Variants in AUH observed in about 807,000 individuals in gnomAD.
The protein encoded by AUH is methylglutaconyl-CoA hydratase, mitochondrial.
A neutral mutation model predicts 42.3 loss-of-function variants in AUH; 29 were observed. That is an observed-to-expected ratio of 0.69 (90% CI 0.51 to 0.93). The LOEUF is 0.93. Among genes scored for constraint, AUH ranks in the 40% least tolerant of loss-of-function variants. The probability of loss-of-function intolerance (pLI) is 0.00; values close to 1 mark genes in which losing one functional copy is unlikely to be tolerated. For synonymous variants in AUH, 174 were observed against 166.4 expected (o/e 1.05, Z -0.35); for missense variants, 452 against 438.1 (o/e 1.03, Z -0.28).
intron 3 of AUH, among the ~76,000 whole-genome samples, chr9:91,354,303 TAC>T (rs1370029352): frequency 2.6e-5 from 4 of 152,172 alleles, no homozygotes; most frequent in African/African-American, 7.2e-5. Context: ...GTTGACAAAA[TAC>T]AGTCACAAAT....
chr9:91,276,137 A>G (rs1011135354), intron 6 of AUH, among the ~76,000 whole-genome samples: 1 of 152,176 alleles, frequency 6.6e-6, no homozygotes, highest in Admixed American at 6.5e-5. Flanking sequence ...TGAAAAAAAA[A>G]TTAGGAACAG....
At chr9:91,243,425 C>T (rs760597543) in intron 6 of AUH, among the ~76,000 whole-genome samples, 19 of 152,242 alleles carry the variant, frequency 1.2e-4, no homozygotes, top group Non-Finnish European at 2.2e-4. Flanking sequence ...ACACAGCAGT[C>T]AGCTCCGGTT....
chr9:91,275,756 A>G (rs1361861215), intron 6 of AUH, among the ~76,000 whole-genome samples: 1 of 152,248 alleles, frequency 6.6e-6, no homozygotes, highest in Non-Finnish European at 1.5e-5. Flanking sequence ...CTAGTGATCA[A>G]GTGTAATTAT....
At chr9:91,256,625 G>A (rs1217529920) in intron 6 of AUH, among the ~76,000 whole-genome samples, 2 of 152,064 alleles carry the variant, frequency 1.3e-5, no homozygotes, top group Non-Finnish European at 2.9e-5. Flanking sequence ...AGGAGACTGA[G>A]GTGCCTCCAA....
At chr9:91,356,018 A>G (rs1446780207) in intron 2 of AUH, 48 bp from the exon 3 acceptor site, 1 of 1,601,214 alleles carries the variant, frequency 6.2e-7, no homozygotes, top group Admixed American at 1.7e-5. Flanking sequence ...AAAAAAAACA[A>G]AACATTTTTA....
At chr9:91,318,374 A>G (rs1309311836) in intron 4 of AUH, among the ~76,000 whole-genome samples, 3 of 152,202 alleles carry the variant, frequency 2.0e-5, no homozygotes, top group African/African-American at 7.2e-5. Flanking sequence ...GCTTTGAGAC[A>G]AACTACAGAT....
At chr9:91,345,937 T>C (rs751403872) in intron 3 of AUH, among the ~76,000 whole-genome samples, 27 of 151,452 alleles carry the variant, frequency 1.8e-4, no homozygotes, top group Non-Finnish European at 2.5e-4. Context: ...GGGGGAAAAG[T>C]TGGTCTGACA....
At chr9:91,240,752 TGAGA>T (rs996216964) in intron 6 of AUH, among the ~76,000 whole-genome samples, 1 of 151,472 alleles carries the variant, frequency 6.6e-6, no homozygotes, top group African/African-American at 2.4e-5. Context: ...CTCCTGCCAC[TGAGA>T]GAGTCTCTGG....
Position 91,330,930 on chromosome 9 carries a change from C to T in AUH, c.419-5526G>A, listed in dbSNP as rs116547703. Among the ~76,000 whole-genome samples the T allele has an allele frequency of 9.6e-3, 1,461 of 152,246 alleles. 26 individuals are homozygous for T. Among genetic ancestry groups the T allele is most frequent in the African/African-American group, 0.033 (1,376 of 41,550 alleles). On this transcript the variant is annotated intron_variant, in intron 3 of 9. Coordinates refer to ENST00000375731, the MANE Select transcript of AUH (RefSeq NM_001698.3). ...AATGATAAGGAAGGGACATGTGGGACGACTGTGGTGTGCTGGGACTTCATT... is the reference window on the plus strand; with the variant it reads ...AATGATAAGGAAGGGACATGTGGGATGACTGTGGTGTGCTGGGACTTCATT...
intron 6 of AUH, among the ~76,000 whole-genome samples, chr9:91,230,123 A>G (rs1250548511): frequency 6.6e-5 from 10 of 151,124 alleles, no homozygotes; most frequent in Admixed American, 3.9e-4. Context: ...GATTGGGGAA[A>G]TTCTCCTGGA....
At chr9:91,265,705 A>G (rs78671240) in intron 6 of AUH, among the ~76,000 whole-genome samples, 11,354 of 152,264 alleles carry the variant, frequency 0.075, 687 homozygotes, top group East Asian at 0.26. Flanking sequence ...TTTATTGTGC[A>G]ACATCAAAAT....
At chr9:91,277,231 T>C (rs1171053863) in intron 6 of AUH, among the ~76,000 whole-genome samples, 1 of 152,172 alleles carries the variant, frequency 6.6e-6, no homozygotes, top group African/African-American at 2.4e-5. Context: ...ATGCATAAAA[T>C]ACCATTCCAA....
intron 6 of AUH, among the ~76,000 whole-genome samples, chr9:91,280,544 CATTA>C (rs1825881860): frequency 6.6e-6 from 1 of 152,004 alleles, no homozygotes; most frequent in African/African-American, 2.4e-5. Flanking sequence ...AATTAGATTC[CATTA>C]CTTACATAAT....
intron 6 of AUH, among the ~76,000 whole-genome samples, chr9:91,225,534 A>G (rs1827394456): frequency 6.6e-6 from 1 of 151,904 alleles, no homozygotes; most frequent in Admixed American, 6.6e-5. Flanking sequence ...CTAAAGTGCC[A>G]GTTCTTTTTT....
At position 91,309,943 on chromosome 9, in the gene AUH, T is replaced by TA. The variant is rs200510599; in HGVS notation, c.506-11868dup. Among the ~76,000 whole-genome samples the TA allele has an allele frequency of 2.0e-5, 3 of 152,232 alleles. No homozygotes were observed. In the East Asian group the frequency reaches 5.8e-4, roughly 29 times the overall value. ...GCCTCACAGTCCTCAGACTTTTTTTTATCTCTACAGTAACCCCCTAGGTGT... is the reference window on the plus strand; with the variant it reads ...GCCTCACAGTCCTCAGACTTTTTTTTAATCTCTACAGTAACCCCCTAGGTGT... On this transcript the variant is annotated intron_variant, in intron 4 of 9. Transcript: ENST00000375731.
chr9:91,275,840 C>T (rs890610533), intron 6 of AUH, among the ~76,000 whole-genome samples: 1 of 152,182 alleles, frequency 6.6e-6, no homozygotes, highest in African/African-American at 2.4e-5. Flanking sequence ...GTCTTGCTGA[C>T]AATGCATTAT....
chr9:91,216,417 C>T (rs1261328606), intron 8 of AUH, among the ~76,000 whole-genome samples: 1 of 149,950 alleles, frequency 6.7e-6, no homozygotes, highest in African/African-American at 2.5e-5. Flanking sequence ...ATGAGTTAAT[C>T]TAGGTGAGGC....
In AUH at chr9:91,297,635, T is replaced by G. The variant is rs1458892494; in HGVS notation, c.598+349A>C. On this transcript the variant is annotated intron_variant, in intron 5 of 9. Coordinates refer to ENST00000375731, the MANE Select transcript of AUH (RefSeq NM_001698.3). The stretch of plus-strand genomic sequence containing the variant: ...TTAAACAGGGTCTCCCTCTGTCACC[T>G]GAGCTGGAGTGTAATGGCACGATCA... 5.3e-5 allele frequency among the ~76,000 whole-genome samples: 8 copies of G among 151,988 alleles called. No homozygotes were observed. The East Asian group carries it at 1.2e-3, about 22-fold the overall frequency.
chr9:91,256,028 CATTTT>C (rs1829387262), intron 6 of AUH, among the ~76,000 whole-genome samples: 1 of 151,994 alleles, frequency 6.6e-6, no homozygotes, highest in Non-Finnish European at 1.5e-5. Flanking sequence ...GTCATGTAAA[CATTTT>C]ATTTCAGTTA....
Sources: allele counts gnomAD v4.1 joint callset (sites outside exome capture counted in the v4.1 genomes callset), GRCh38; gene constraint gnomAD v4.1.1; transcripts MANE v1.5; gene names NCBI Gene and HGNC (gene_info 2026-07-23, HGNC 2026-07-21).